Variants in CPPED1 observed in about 807,000 individuals in gnomAD.
The protein encoded by CPPED1 is calcineurin like phosphoesterase domain containing 1, also known as serine/threonine-protein phosphatase CPPED1.
A neutral mutation model predicts 28.0 loss-of-function variants in CPPED1; 28 were observed. That is an observed-to-expected ratio of 1.00 (90% CI 0.74 to 1.37). The LOEUF (loss-of-function observed/expected upper bound fraction) is 1.37, where lower values mean the gene tolerates loss of function less well. CPPED1 is among the 40% of genes most tolerant of loss of function. The probability of loss-of-function intolerance (pLI) is 0.00; values close to 1 mark genes in which losing one functional copy is unlikely to be tolerated. For synonymous variants in CPPED1, 198 were observed against 180.2 expected (o/e 1.10, Z -0.79); for missense variants, 504 against 416.5 (o/e 1.21, Z -1.83).
intron 3 of CPPED1, among the ~76,000 whole-genome samples, chr16:12,686,459 GTTTC>G (rs2079934059): frequency 6.6e-6 from 1 of 152,202 alleles, no homozygotes. Context: ...GCCGCAGAGG[GTTTC>G]TTTGTCAGGG....
chr16:12,762,938 G>T (rs1028096440), intron 2 of CPPED1, among the ~76,000 whole-genome samples: 8 of 151,934 alleles, frequency 5.3e-5, no homozygotes, highest in Non-Finnish European at 7.4e-5. Flanking sequence ...TTGTAGAAAT[G>T]AAGTCTTGCG....
intron 2 of CPPED1, among the ~76,000 whole-genome samples, chr16:12,774,758 T>C (rs938895): frequency 0.22 from 33,420 of 152,012 alleles, 4,179 homozygotes; most frequent in East Asian, 0.3. Context: ...GATTAATGAA[T>C]GAATGAGTTA....
chr16:12,702,259 C>G (rs1297660016), intron 3 of CPPED1, among the ~76,000 whole-genome samples: 1 of 151,748 alleles, frequency 6.6e-6, no homozygotes, highest in Non-Finnish European at 1.5e-5. Context: ...CCAAGGGTGC[C>G]CTGTTAGAGC....
chr16:12,746,317 T>C (rs2080287413), intron 2 of CPPED1, among the ~76,000 whole-genome samples: 1 of 141,466 alleles, frequency 7.1e-6, no homozygotes, highest in South Asian at 2.2e-4. Context: ...AGAGTTACAG[T>C]GAGCTGAGAG....
Position 12,771,061 on chromosome 16 carries a change from T to C in CPPED1, c.289+10124A>G, listed in dbSNP as rs542097079. Reference sequence around the variant, plus strand: ...ATATTACTTGTAGAATTTAAAAATCTAATAAAGTAACAATAAAAAGATCCG... The same window carrying C: ...ATATTACTTGTAGAATTTAAAAATCCAATAAAGTAACAATAAAAAGATCCG... On this transcript the variant is annotated intron_variant, in intron 2 of 3. Transcript: ENST00000381774. Among the ~76,000 whole-genome samples the C allele has an allele frequency of 7.9e-5, 12 of 152,254 alleles. No individual in the cohort carries two copies. In the South Asian group the frequency reaches 2.1e-3, roughly 26 times the overall value.
At chr16:12,802,536 G>A (rs1266939472) in intron 1 of CPPED1, among the ~76,000 whole-genome samples, 1 of 152,186 alleles carries the variant, frequency 6.6e-6, no homozygotes, top group Non-Finnish European at 1.5e-5. Flanking sequence ...GGGAGGCGGA[G>A]GTTACAGTGA....
chr16:12,719,764 G>T (rs1311959263), intron 2 of CPPED1, among the ~76,000 whole-genome samples: 1 of 152,026 alleles, frequency 6.6e-6, no homozygotes, highest in African/African-American at 2.4e-5. Flanking sequence ...GCAAAAGCCT[G>T]TCTCTACTAA....
intron 3 of CPPED1, among the ~76,000 whole-genome samples, chr16:12,673,820 G>C (rs2079864712): frequency 6.6e-6 from 1 of 152,192 alleles, no homozygotes; most frequent in Non-Finnish European, 1.5e-5. Flanking sequence ...GCCGAGGTTA[G>C]AGGATCGCTT....
At chr16:12,752,159 G>A (rs2080333848) in intron 2 of CPPED1, among the ~76,000 whole-genome samples, 1 of 152,082 alleles carries the variant, frequency 6.6e-6, no homozygotes, top group Non-Finnish European at 1.5e-5. Context: ...TAGAGCAGAG[G>A]TTAAAGTGCT....
At chr16:12,784,566 A>C (rs1295992539) in intron 1 of CPPED1, among the ~76,000 whole-genome samples, 2 of 152,118 alleles carry the variant, frequency 1.3e-5, no homozygotes, top group Non-Finnish European at 2.9e-5. Context: ...AAAAAAAAAA[A>C]AAACTGAGAC....
In CPPED1 at chr16:12,717,429, A is replaced by G. The variant is rs537424680; in HGVS notation, c.290-12380T>C. On this transcript the variant is annotated intron_variant, in intron 2 of 3. Coordinates refer to ENST00000381774, the MANE Select transcript of CPPED1 (RefSeq NM_018340.3). ...CAGGCGCCCGCCACTGCGCCTGGCT[A>G]ATTTTTTTGTATTTTTAGTACAGAC... is the stretch of plus-strand genomic sequence containing the variant. 4.6e-5 allele frequency among the ~76,000 whole-genome samples: 7 copies of G among 152,140 alleles called. No homozygotes were observed. The South Asian group carries it at 1.0e-3, about 23-fold the overall frequency.
rs145687328 is a variant in CPPED1, at chr16:12,784,009, A to G, written c.71-2606T>C. On this transcript the variant is annotated intron_variant, in intron 1 of 3. Coordinates refer to ENST00000381774, the MANE Select transcript of CPPED1 (RefSeq NM_018340.3). ...CCCAAATCCCTGCCTCCTGATATTC[A>G]CATCCCTGTGCAACACCCTCCCTTT... Among the ~76,000 whole-genome samples the G allele has an allele frequency of 5.9e-5, 9 of 151,856 alleles. No individual in the cohort carries two copies. The East Asian group carries it at 1.7e-3, about 29-fold the overall frequency.
intron 2 of CPPED1, among the ~76,000 whole-genome samples, chr16:12,764,378 A>T (rs1019437374): frequency 5.3e-5 from 8 of 151,832 alleles, no homozygotes; most frequent in African/African-American, 1.9e-4. Flanking sequence ...TAATTCTTGT[A>T]TTTTTTGTAG....
chr16:12,781,420 G>C lies in CPPED1; in HGVS notation c.71-17C>G, dbSNP rs1352310809. 3 of 1,608,010 alleles carry C rather than the reference G, an allele frequency of 1.9e-6. No individual in the cohort carries two copies. The highest frequency in any genetic ancestry group is 2.6e-6 in the Non-Finnish European group (3 of 1,176,110). ...TTTCCTTTTCTTAAAAAAAGAGAGA[G>C]GGAGAAAGAAGGAGAAATCTTGTAA... On this transcript the variant is annotated splice_polypyrimidine_tract_variant and intron_variant, in intron 1 of 3. Coordinates refer to ENST00000381774, the MANE Select transcript of CPPED1 (RefSeq NM_018340.3).
At chr16:12,687,342 T>C (rs183087724) in intron 3 of CPPED1, among the ~76,000 whole-genome samples, 4 of 152,278 alleles carry the variant, frequency 2.6e-5, no homozygotes, top group Admixed American at 2.6e-4. Context: ...AAATGAAATA[T>C]TACAATGATA....
At chr16:12,769,319 C>T (rs977713182) in intron 2 of CPPED1, among the ~76,000 whole-genome samples, 3 of 152,014 alleles carry the variant, frequency 2.0e-5, no homozygotes, top group African/African-American at 7.3e-5. Context: ...CCTCGAAAAT[C>T]CTAGGAACTT....
At position 12,774,274 on chromosome 16, in the gene CPPED1, C is replaced by T. The variant is rs530004393; in HGVS notation, c.289+6911G>A. 1.6e-3 allele frequency among the ~76,000 whole-genome samples: 247 copies of T among 152,132 alleles called. 1 individual carries two copies. The highest frequency in any genetic ancestry group is 5.6e-3 in the African/African-American group (234 of 41,512). Reference sequence around the variant, plus strand: ...CACTTGAGGTCAGGAGTTCAACCAGCCTGGCCAACAAGATGAAACCCCATC... The same window carrying T: ...CACTTGAGGTCAGGAGTTCAACCAGTCTGGCCAACAAGATGAAACCCCATC... On this transcript the variant is annotated intron_variant, in intron 2 of 3. Coordinates refer to ENST00000381774, the MANE Select transcript of CPPED1 (RefSeq NM_018340.3).
rs1387379453 is a variant in CPPED1 at position 12,791,180 on chromosome 16, G to A, written c.71-9777C>T. ...GTCCTCTAGGTTTTAAGCCCCGCAT[G>A]CATTAGGTATTTGTCCTAATGCTCT... On this transcript the variant is annotated intron_variant, in intron 1 of 3. Coordinates refer to ENST00000381774, the MANE Select transcript of CPPED1 (RefSeq NM_018340.3). Among the ~76,000 whole-genome samples, 4 of 151,898 alleles carry A rather than the reference G, an allele frequency of 2.6e-5. No homozygotes were observed. The East Asian group carries it at 7.8e-4, about 29-fold the overall frequency.
At position 12,664,956 on chromosome 16, in the gene CPPED1, T is replaced by C. The variant is rs1390928837; in HGVS notation, c.875A>G (p.Tyr292Cys). Reference protein sequence around the residue: ...VVTAEKIVHRYYSLDELSEKG... With the variant: ...VVTAEKIVHRCYSLDELSEKG... Reference sequence around the variant, plus strand: ...CTCACTCAGCTCATCTAGACTGTAGTATCGGTGAACAATTTTCTCGGCGGT... The same window carrying C: ...CTCACTCAGCTCATCTAGACTGTAGCATCGGTGAACAATTTTCTCGGCGGT... The change falls in exon 4 of 4, where the codon TAC (tyrosine) becomes TGC (cysteine). Residue 292 changes from tyrosine (Y) to cysteine (C), a missense_variant. Coordinates refer to ENST00000381774, the MANE Select transcript of CPPED1 (RefSeq NM_018340.3). This position sits in a 1 kb window ranked among gnomAD's most constrained non-coding sequence, Gnocchi z 4.2. 3 of 1,611,456 alleles carry C rather than the reference T, an allele frequency of 1.9e-6. No homozygotes were observed. Among genetic ancestry groups the C allele is most frequent in the Non-Finnish European group, 2.5e-6 (3 of 1,179,122 alleles).
Sources: gnomAD v4.1 joint callset for allele counts (sites outside exome capture counted in the v4.1 genomes callset) on GRCh38, gnomAD v4.1.1 for gene constraint, Gnocchi (gnomAD v3.1) non-coding constraint, MANE v1.5 for transcripts, NCBI Gene and HGNC (gene_info 2026-07-23, HGNC 2026-07-21) for gene names.